Variants in CMIP observed in about 807,000 individuals in gnomAD.
CMIP encodes the protein C-Maf-inducing protein.
Under a neutral mutation model 97.3 loss-of-function variants are expected in CMIP, and 13 were observed. The ratio of observed to expected loss-of-function variants is 0.13; its 90% CI spans 0.09 to 0.21. The LOEUF (loss-of-function observed/expected upper bound fraction) is 0.21, where lower values mean the gene tolerates loss of function less well. CMIP is among the 10% of genes least tolerant of loss of function. CMIP has a pLI of 1.00. For missense variants in CMIP, 847 were observed against 1,024.9 expected, an observed-to-expected ratio of 0.83 and a Z score of 2.37; for synonymous variants, 538 against 436.3, an observed-to-expected ratio of 1.23 and a Z score of -2.91.
In CMIP at chr16:81,711,264, A is replaced by AGT. The variant is rs1289568204; in HGVS notation, c.*1468_*1469dup. The AGT allele has an allele frequency of 6.6e-6, 1 of 151,556 alleles. No homozygotes were observed. The highest frequency in any genetic ancestry group is 2.4e-5 in the African/African-American group (1 of 41,172). The allele number at this position is 151,556 out of a possible 1,614,324, so 9.4% of individuals were successfully genotyped here. On this transcript the variant is annotated 3_prime_UTR_variant, in exon 21 of 21. Coordinates refer to ENST00000537098, the MANE Select transcript of CMIP (RefSeq NM_198390.3). The stretch of plus-strand genomic sequence containing the variant: ...GCACCTCCAAACCTACCCCACAGTC[A>AGT]GTGTACTTGTTTTATATATATTTAA...
At position 81,710,575 on chromosome 16, in the gene CMIP, C is replaced by G. The variant is rs1048666711; in HGVS notation, c.*776C>G. 3 of 152,156 alleles carry G rather than the reference C, an allele frequency of 2.0e-5. No homozygotes were observed. The highest frequency in any genetic ancestry group is 7.3e-5 in the African/African-American group (3 of 41,354). 9.4% of individuals were successfully genotyped at this position (152,156 alleles called of 1,614,324 possible). A position where few individuals can be genotyped will look rare whatever the true frequency, so the allele number is the denominator to read the frequency against. ...AGAACCTCCTTGGAAAAATTAATTG[C>G]TTTTTCGTAATGGATTCTCTATGCT... On this transcript the variant is annotated 3_prime_UTR_variant, in exon 21 of 21. Transcript: ENST00000537098.
chr16:81,693,494 C>T lies in CMIP; in HGVS notation c.1530+7C>T, dbSNP rs746944400. 11 of 1,610,822 alleles carry T rather than the reference C, an allele frequency of 6.8e-6. No individual in the cohort carries two copies. Among genetic ancestry groups the T allele is most frequent in the African/African-American group, 1.3e-5 (1 of 74,882 alleles). On this transcript the variant is annotated splice_region_variant and intron_variant, in intron 13 of 20. Coordinates refer to ENST00000537098, the MANE Select transcript of CMIP (RefSeq NM_198390.3). ...CGAAGACCCCAGGCAAGAGGTGAGGCCTTTGTTTCTGCATCTCAGGCCGGC... is the reference window on the plus strand; with the variant it reads ...CGAAGACCCCAGGCAAGAGGTGAGGTCTTTGTTTCTGCATCTCAGGCCGGC...
chr16:81,508,050 T>C (rs113194862), intron 1 of CMIP, among the ~76,000 whole-genome samples: 1,543 of 152,348 alleles, frequency 0.01, 15 homozygotes, highest in Non-Finnish European at 0.014. Context: ...TCAGAGATGA[T>C]TGAACAGAGA....
chr16:81,585,738 T>G (rs2091371382), intron 1 of CMIP, among the ~76,000 whole-genome samples: 1 of 126,800 alleles, frequency 7.9e-6, no homozygotes, highest in South Asian at 2.4e-4. Context: ...GCTGGAGGAT[T>G]GGGCTGGAGA....
chr16:81,472,393 G>T (rs557097559), intron 1 of CMIP, among the ~76,000 whole-genome samples: 2 of 152,202 alleles, frequency 1.3e-5, no homozygotes, highest in African/African-American at 4.8e-5. Flanking sequence ...GTCCTTCATG[G>T]TGGCTCATCT....
chr16:81,602,539 C>A (rs2091675084), intron 1 of CMIP, among the ~76,000 whole-genome samples: 1 of 152,216 alleles, frequency 6.6e-6, no homozygotes, highest in African/African-American at 2.4e-5. Context: ...CCCCCACAGT[C>A]AATACAGAGA....
chr16:81,601,232 C>G (rs1437129853), intron 1 of CMIP, among the ~76,000 whole-genome samples: 1 of 152,180 alleles, frequency 6.6e-6, no homozygotes, highest in Non-Finnish European at 1.5e-5. Flanking sequence ...TCCGGGAGCT[C>G]CTCCCTTCCC....
At chr16:81,495,321 G>A in intron 1 of CMIP, 1 of 1,459,418 alleles carries the variant, frequency 6.9e-7, no homozygotes, top group Non-Finnish European at 9.1e-7. Context: ...GGCTGGTTCA[G>A]TGATAAGCAG....
intron 1 of CMIP, among the ~76,000 whole-genome samples, chr16:81,532,537 C>T (rs1213412140): frequency 2.6e-5 from 4 of 152,132 alleles, no homozygotes; most frequent in African/African-American, 9.7e-5. Flanking sequence ...AGCGCTGTTG[C>T]CCTCGCTCAG....
chr16:81,688,879 G>C (rs147896644), intron 10 of CMIP, among the ~76,000 whole-genome samples: 2 of 152,090 alleles, frequency 1.3e-5, no homozygotes, highest in African/African-American at 2.4e-5. Flanking sequence ...TCATTTTTCA[G>C]TTCCCACCTA....
intron 6 of CMIP, among the ~76,000 whole-genome samples, chr16:81,662,262 G>A (rs2092555513): frequency 6.6e-6 from 1 of 152,176 alleles, no homozygotes; most frequent in Non-Finnish European, 1.5e-5. Flanking sequence ...GATTCTCAAA[G>A]TCTGGTTCTA....
chr16:81,644,037 T>C (rs1044519454), intron 3 of CMIP, among the ~76,000 whole-genome samples: 7 of 152,022 alleles, frequency 4.6e-5, no homozygotes, highest in African/African-American at 1.7e-4. Context: ...AGAAAAAAAA[T>C]AGTGTTCAGT....
At chr16:81,534,888 A>C (rs186820907) in intron 1 of CMIP, among the ~76,000 whole-genome samples, 1 of 152,322 alleles carries the variant, frequency 6.6e-6, no homozygotes. Context: ...GCTTTCTGTT[A>C]GTTACCACTG....
chr16:81,501,386 G>C (rs2089608732), intron 1 of CMIP, among the ~76,000 whole-genome samples: 1 of 152,198 alleles, frequency 6.6e-6, no homozygotes, highest in South Asian at 2.1e-4. Flanking sequence ...TTGGCCCCAG[G>C]GGGAGCTCTG....
rs1468644093 is a variant in CMIP at position 81,445,004 on chromosome 16, C to T, written c.-238C>T. ...CCCGGTCAGCCGCCGCGAGCATGCA[C>T]CCGACGAGCTAGGAGGAAGCCCGGA... On this transcript the variant is annotated 5_prime_UTR_variant, in exon 1 of 21. Coordinates refer to ENST00000537098, the MANE Select transcript of CMIP (RefSeq NM_198390.3). Among the ~76,000 whole-genome samples, 1 of 145,308 alleles carries T rather than the reference C, an allele frequency of 6.9e-6. No individual in the cohort carries two copies. Among genetic ancestry groups the T allele is most frequent in the African/African-American group, 2.5e-5 (1 of 40,172 alleles).
intron 1 of CMIP, among the ~76,000 whole-genome samples, chr16:81,604,442 G>A (rs1031291664): frequency 4.1e-5 from 6 of 147,262 alleles, no homozygotes; most frequent in South Asian, 2.2e-4. Context: ...GCTTATGCCT[G>A]TAATCCCAGC....
intron 13 of CMIP, chr16:81,696,344 G>A (rs1567669535): frequency 3.3e-6 from 2 of 598,670 alleles, no homozygotes; most frequent in South Asian, 3.9e-5. Flanking sequence ...ACAGCCAGTA[G>A]CCAGAGTCCC....
Position 81,671,967 on chromosome 16 carries a change from A to G in CMIP, c.931A>G (p.Met311Val), listed in dbSNP as rs761163438. 6.4e-7 allele frequency: 1 copy of G among 1,568,026 alleles called. No homozygotes were observed. The stretch of plus-strand genomic sequence containing the variant: ...CCCCAGCCCTCTGCTTTTTTCCAGC[A>G]TGCACGGCCCCACAGGGCACTGCCC... ...MEVVKKFIQS[M>V]HGPTGHCPHP... Residue 311 changes from methionine to valine, a missense_variant and splice_region_variant, in exon 9 of 21, where the codon ATG (methionine) becomes GTG (valine). Physicochemically the swap from Met to Val is conservative, Grantham distance 21. This residue lies in a region of CMIP where 285 missense variants were observed against 392.2 expected (regional missense o/e 0.73). Transcript: ENST00000537098.
chr16:81,564,252 T>C (rs922988063), intron 1 of CMIP, among the ~76,000 whole-genome samples: 7 of 152,118 alleles, frequency 4.6e-5, no homozygotes, highest in South Asian at 2.1e-4. Context: ...CATTTTTGCA[T>C]TGGGGCCTTC....
Sources: allele counts gnomAD v4.1 joint callset (sites outside exome capture counted in the v4.1 genomes callset), GRCh38; gene constraint gnomAD v4.1.1; regional missense constraint gnomAD v4.1.1; transcripts MANE v1.5; gene names NCBI Gene and HGNC (gene_info 2026-07-23, HGNC 2026-07-21).